Variants in HTR1F observed in about 807,000 individuals in gnomAD.
HTR1F encodes 5-hydroxytryptamine (serotonin) receptor 1F, G protein-coupled.
HTR1F carries 17 observed loss-of-function variants against 24.0 expected under a neutral mutation model. The ratio of observed to expected loss-of-function variants is 0.71; its 90% CI spans 0.48 to 1.06. The LOEUF (loss-of-function observed/expected upper bound fraction) is 1.06, where lower values mean the gene tolerates loss of function less well. Among genes scored for constraint, HTR1F ranks in the 50% least tolerant of loss-of-function variants. The probability of loss-of-function intolerance (pLI) is 0.00; values close to 1 mark genes in which losing one functional copy is unlikely to be tolerated. For synonymous variants in HTR1F, 186 were observed against 156.8 expected, an observed-to-expected ratio of 1.19 and a Z score of -1.39; for missense variants, 391 against 427.8, an observed-to-expected ratio of 0.91 and a Z score of 0.76.
chr3:87,864,454 T>A (rs755584407), intron 2 of HTR1F, among the ~76,000 whole-genome samples: 23 of 152,184 alleles, frequency 1.5e-4, no homozygotes, highest in Non-Finnish European at 2.2e-4. Flanking sequence ...CAGGTTCTGT[T>A]ATTTCCAGGA....
In HTR1F at chr3:87,992,125, A is replaced by G. The variant is rs1705851274; in HGVS notation, c.*275A>G. The G allele has an allele frequency of 4.8e-6, 1 of 210,472 alleles. No individual in the cohort carries two copies. The highest frequency in any genetic ancestry group is 5.6e-5 in the Admixed American group (1 of 17,962). The allele number at this position is 210,472 out of a possible 1,614,324, so 13.0% of individuals were successfully genotyped here. On this transcript the variant is annotated 3_prime_UTR_variant, in exon 3 of 3. Coordinates refer to ENST00000319595, the MANE Select transcript of HTR1F (RefSeq NM_001322209.2). ...AAAAAGCTAACTGGAAAAAATATAT[A>G]TATATACAATAGTAATGACAGTGAT...
chr3:87,900,351 G>A (rs1706293981), intron 2 of HTR1F, among the ~76,000 whole-genome samples: 1 of 152,188 alleles, frequency 6.6e-6, no homozygotes, highest in South Asian at 2.1e-4. Context: ...AGAATAGCAA[G>A]GAGGCCCATG....
chr3:87,990,344 G>A (rs1282958159), intron 2 of HTR1F, among the ~76,000 whole-genome samples: 6 of 152,090 alleles, frequency 3.9e-5, no homozygotes, highest in South Asian at 2.1e-4. Context: ...CAGTTGTTAC[G>A]GAGGCCTGCG....
chr3:87,879,465 A>C (rs546786088), intron 2 of HTR1F, among the ~76,000 whole-genome samples: 1 of 152,282 alleles, frequency 6.6e-6, no homozygotes, highest in African/African-American at 2.4e-5. Flanking sequence ...ACTTCATTGC[A>C]ATGCCAACCT....
At position 87,850,609 on chromosome 3, in the gene HTR1F, TA is replaced by T. The variant is rs988765686; in HGVS notation, c.-43+28492del. ...GTACCCTAAAACATAAGTATAATAA[TA>T]AAAAAAGTGAGAAAGTTATTTAGCA... On this transcript the variant is annotated intron_variant, in intron 2 of 2. Coordinates refer to ENST00000319595, the MANE Select transcript of HTR1F (RefSeq NM_001322209.2). 2.0e-5 allele frequency among the ~76,000 whole-genome samples: 3 copies of T among 148,286 alleles called. No homozygotes were observed. In the East Asian group the frequency reaches 6.0e-4, roughly 30 times the overall value.
At chr3:87,960,527 A>C (rs1705038206) in intron 2 of HTR1F, among the ~76,000 whole-genome samples, 2 of 152,012 alleles carry the variant, frequency 1.3e-5, no homozygotes, top group East Asian at 3.9e-4. Flanking sequence ...ATTGAATTTC[A>C]GTTGTGCTAT....
chr3:87,923,709 G>T (rs1325148812), intron 2 of HTR1F, among the ~76,000 whole-genome samples: 1 of 151,986 alleles, frequency 6.6e-6, no homozygotes, highest in Non-Finnish European at 1.5e-5. Context: ...ATAATAAAAA[G>T]ATATTAAATT....
chr3:87,913,459 G>A (rs1317880199), intron 2 of HTR1F, among the ~76,000 whole-genome samples: 5 of 152,068 alleles, frequency 3.3e-5, no homozygotes, highest in African/African-American at 4.8e-5. Flanking sequence ...AGTTTGCAGA[G>A]AAAAAGGAGC....
intron 2 of HTR1F, among the ~76,000 whole-genome samples, chr3:87,854,866 T>A (rs961789016): frequency 6.6e-6 from 1 of 152,080 alleles, no homozygotes; most frequent in Non-Finnish European, 1.5e-5. Flanking sequence ...TCAAAAATTA[T>A]GTTTGTCATT....
chr3:87,909,815 G>T (rs558944361), intron 2 of HTR1F, among the ~76,000 whole-genome samples: 1 of 152,110 alleles, frequency 6.6e-6, no homozygotes, highest in African/African-American at 2.4e-5. Flanking sequence ...TCTAAGAACT[G>T]CTGATGCTCC....
chr3:87,824,598 G>T (rs1046073216), intron 2 of HTR1F, among the ~76,000 whole-genome samples: 2 of 152,168 alleles, frequency 1.3e-5, no homozygotes, highest in Admixed American at 1.3e-4. Context: ...CCTTGTGAAT[G>T]AAAGAATGAA....
Position 87,829,044 on chromosome 3 carries a change from CAA to C in HTR1F, c.-43+6932_-43+6933del, listed in dbSNP as rs536460252. Among the ~76,000 whole-genome samples, 607 of 130,976 alleles carry C rather than the reference CAA, an allele frequency of 4.6e-3. 2 individuals carry two copies. The highest frequency in any genetic ancestry group is 0.015 in the African/African-American group (569 of 38,292). The allele number at this position is 130,976 out of a possible 152,430, so 85.9% of individuals were successfully genotyped here. On this transcript the variant is annotated intron_variant, in intron 2 of 2. Transcript: ENST00000319595. ...ATTTATTGTGGCAAAGTCAGCATACCAAAAAAAAAAAAAGTTAAAAAAAAAAG... is the reference window on the plus strand; with the variant it reads ...ATTTATTGTGGCAAAGTCAGCATACCAAAAAAAAAAAGTTAAAAAAAAAAG...
chr3:87,818,747 C>T (rs1443440706), intron 1 of HTR1F, among the ~76,000 whole-genome samples: 4 of 152,150 alleles, frequency 2.6e-5, no homozygotes, highest in Non-Finnish European at 5.9e-5. Flanking sequence ...AAGCATAGAG[C>T]ACAAAATTTA....
chr3:87,991,245 A>G lies in HTR1F; in HGVS notation c.496A>G (p.Thr166Ala), dbSNP rs1559662199. ...MPPLFWRHQG[T>A]SRDDECIIKH... ...TCCTCTATTCTGGAGGCACCAAGGA[A>G]CTAGCAGAGATGATGAATGCATCAT... The change falls in exon 3 of 3, where the codon ACT (threonine) becomes GCT (alanine). Residue 166 changes from threonine to alanine, a missense_variant. Coordinates refer to ENST00000319595, the MANE Select transcript of HTR1F (RefSeq NM_001322209.2). 1 of 1,613,956 alleles carries G rather than the reference A, an allele frequency of 6.2e-7. No individual in the cohort carries two copies. The highest frequency in any genetic ancestry group is 1.7e-5 in the Admixed American group (1 of 59,976).
chr3:87,822,054 T>G lies in HTR1F; in HGVS notation c.-113T>G, dbSNP rs1704370053. ...ATTGGACTGTGAAACTTTCATGAAC[T>G]TCTCAAAAGAACAGGAACATGAGGA... On this transcript the variant is annotated 5_prime_UTR_variant, in exon 2 of 3. Transcript: ENST00000319595. Among the ~76,000 whole-genome samples, 1 of 152,112 alleles carries G rather than the reference T, an allele frequency of 6.6e-6. No homozygotes were observed. The highest frequency in any genetic ancestry group is 1.5e-5 in the Non-Finnish European group (1 of 68,024).
intron 1 of HTR1F, among the ~76,000 whole-genome samples, chr3:87,821,555 C>A (rs895483258): frequency 6.6e-6 from 1 of 152,104 alleles, no homozygotes; most frequent in Non-Finnish European, 1.5e-5. Context: ...TCCCTCAAAT[C>A]CCAAAATATT....
At chr3:87,806,574 G>C (rs1410632173) in intron 1 of HTR1F, among the ~76,000 whole-genome samples, 1 of 151,984 alleles carries the variant, frequency 6.6e-6, no homozygotes, top group Admixed American at 6.6e-5. Context: ...CAGATGAATA[G>C]TTTGCAAATA....
intron 2 of HTR1F, among the ~76,000 whole-genome samples, chr3:87,837,048 G>T (rs931476047): frequency 1.3e-5 from 2 of 151,974 alleles, no homozygotes; most frequent in Admixed American, 1.3e-4. Flanking sequence ...TGTTTGCAAA[G>T]AATTCAGAAG....
chr3:87,840,388 C>T (rs956397406), intron 2 of HTR1F, among the ~76,000 whole-genome samples: 1 of 152,130 alleles, frequency 6.6e-6, no homozygotes, highest in African/African-American at 2.4e-5. Context: ...CATCACCTCA[C>T]ATCTGTAAGA....
Sources: allele counts gnomAD v4.1 joint callset (sites outside exome capture counted in the v4.1 genomes callset), GRCh38; gene constraint gnomAD v4.1.1; transcripts MANE v1.5; gene names NCBI Gene and HGNC (gene_info 2026-07-23, HGNC 2026-07-21).